SYNGR1: variants seen among roughly 807,000 people sequenced by gnomAD.
The protein encoded by SYNGR1 is synaptogyrin-1.
SYNGR1 carries 14 observed loss-of-function variants against 26.1 expected under a neutral mutation model. The ratio of observed to expected loss-of-function variants is 0.54; its 90% CI spans 0.35 to 0.84. The LOEUF (loss-of-function observed/expected upper bound fraction) is 0.84. Among genes scored for constraint, SYNGR1 ranks in the 40% least tolerant of loss-of-function variants. The probability of loss-of-function intolerance (pLI) is 0.01; values close to 1 mark genes in which losing one functional copy is unlikely to be tolerated. For synonymous variants in SYNGR1, 141 were observed against 150.1 expected, an observed-to-expected ratio of 0.94 and a Z score of 0.44; for missense variants, 319 against 332.9, an observed-to-expected ratio of 0.96 and a Z score of 0.33.
At chr22:39,358,208 T>TC (rs1924266132) in intron 1 of SYNGR1, among the ~76,000 whole-genome samples, 2 of 152,216 alleles carry the variant, frequency 1.3e-5, no homozygotes, top group Admixed American at 6.5e-5. Context: ...TTGGAGAACC[T>TC]GTGTGTCCAA....
In SYNGR1 at chr22:39,357,856, G is replaced by A. The variant is rs887588711; in HGVS notation, c.99+7747G>A. Among the ~76,000 whole-genome samples, 28 of 152,362 alleles carry A rather than the reference G, an allele frequency of 1.8e-4. 1 individual carries two copies. The highest frequency in any genetic ancestry group is 6.7e-4 in the African/African-American group (28 of 41,584). ...TCCCTCGGGGCAGGGCTCGGGACCT[G>A]CAGCCCGCCATGCCTAAGCCTCCCA... On this transcript the variant is annotated intron_variant, in intron 1 of 3. Coordinates refer to ENST00000328933, the MANE Select transcript of SYNGR1 (RefSeq NM_004711.5).
intron 1 of SYNGR1, among the ~76,000 whole-genome samples, chr22:39,361,872 G>A (rs1403203793): frequency 6.6e-6 from 1 of 152,138 alleles, no homozygotes; most frequent in Non-Finnish European, 1.5e-5. Context: ...TGAAAGGGCA[G>A]AGGTGATAAG....
At position 39,374,298 on chromosome 22, in the gene SYNGR1, T is replaced by C. The variant is rs1314572283; in HGVS notation, c.100-18T>C. On this transcript the variant is annotated intron_variant, in intron 1 of 3. Transcript: ENST00000328933. ...CAGGGGTCTGCCCAGGTCTAAGGTGTGGCCCCACCCCCGACAGCTGTTCTC... is the reference window on the plus strand; with the variant it reads ...CAGGGGTCTGCCCAGGTCTAAGGTGCGGCCCCACCCCCGACAGCTGTTCTC... The C allele has an allele frequency of 6.2e-7, 1 of 1,612,718 alleles. No individual in the cohort carries two copies. Among genetic ancestry groups the C allele is most frequent in the Non-Finnish European group, 8.5e-7 (1 of 1,179,226 alleles).
At chr22:39,374,239 G>A in intron 1 of SYNGR1, 77 bp from the exon 2 acceptor site, 1 of 1,399,516 alleles carries the variant, frequency 7.1e-7, no homozygotes, top group Non-Finnish European at 1.0e-6. Flanking sequence ...GCAGGCGAGG[G>A]TGGCAGCCTC....
intron 1 of SYNGR1, among the ~76,000 whole-genome samples, chr22:39,354,255 C>T (rs1924047153): frequency 6.6e-6 from 1 of 152,204 alleles, no homozygotes; most frequent in African/African-American, 2.4e-5. Context: ...GGGCTTTGGC[C>T]ATAATACCAC....
chr22:39,374,385 G>A lies in SYNGR1; in HGVS notation c.169G>A (p.Glu57Lys), dbSNP rs1925170827. Residue 57 changes from glutamate (E) to lysine (K), a missense_variant, in exon 2 of 4, where the codon GAG becomes AAG. Transcript: ENST00000328933. The part of the protein sequence containing the change: ...GYLNSASEGE[E>K]FCIYNRNPNA... ...CCTCAACAGCGCCTCCGAGGGGGAG[G>A]AGTTCTGCATCTACAACCGCAACCC... 3 of 1,614,066 alleles carry A rather than the reference G, an allele frequency of 1.9e-6. No individual in the cohort carries two copies. Among genetic ancestry groups the A allele is most frequent in the East Asian group, 2.2e-5 (1 of 44,874 alleles).
At position 39,350,816 on chromosome 22, in the gene SYNGR1, C is replaced by T. The variant is rs57223197; in HGVS notation, c.99+707C>T. Among the ~76,000 whole-genome samples, 22,904 of 152,098 alleles carry T rather than the reference C, an allele frequency of 0.15. 3,289 individuals carry two copies. The highest frequency in any genetic ancestry group is 0.37 in the African/African-American group (15,456 of 41,436). On this transcript the variant is annotated intron_variant, in intron 1 of 3. Coordinates refer to ENST00000328933, the MANE Select transcript of SYNGR1 (RefSeq NM_004711.5). The surrounding 1 kb of genome is among the most constrained non-coding windows in gnomAD (Gnocchi z 4.3). Reference sequence around the variant, plus strand: ...AGGTGGGCGGAGCCTTCTTGAGGCCCCCTTGGGCTCTGACATTTCATGAAC... The same window carrying T: ...AGGTGGGCGGAGCCTTCTTGAGGCCTCCTTGGGCTCTGACATTTCATGAAC...
chr22:39,360,069 C>T (rs1230832613), intron 1 of SYNGR1, among the ~76,000 whole-genome samples: 12 of 152,286 alleles, frequency 7.9e-5, no homozygotes, highest in African/African-American at 2.9e-4. Context: ...TCACACTCGC[C>T]TGGCACAGCT....
chr22:39,372,438 C>CTTTTTTTTTT lies in SYNGR1; in HGVS notation c.100-1857_100-1848dup. Among the ~76,000 whole-genome samples the CTTTTTTTTTT allele has an allele frequency of 2.7e-4, 15 of 54,652 alleles. 1 individual carries two copies. The highest frequency in any genetic ancestry group is 1.4e-3 in the African/African-American group (15 of 10,646). The allele number at this position is 54,652 out of a possible 152,430, so 35.9% of individuals were successfully genotyped here. A position where few individuals can be genotyped will look rare whatever the true frequency, so the allele number is the denominator to read the frequency against. On this transcript the variant is annotated intron_variant, in intron 1 of 3. Coordinates refer to ENST00000328933, the MANE Select transcript of SYNGR1 (RefSeq NM_004711.5). ...GAGCCACCATGCACCACGCCCAGCTCTTTTTTTTTTTTTTTTTTTTTTTTT... is the reference window on the plus strand; with the variant it reads ...GAGCCACCATGCACCACGCCCAGCTCTTTTTTTTTTTTTTTTTTTTTTTTTTTTTTTTTTT...
intron 1 of SYNGR1, among the ~76,000 whole-genome samples, chr22:39,351,897 C>T (rs1923923103): frequency 6.6e-6 from 1 of 152,152 alleles, no homozygotes; most frequent in Non-Finnish European, 1.5e-5. Flanking sequence ...CAGATTGGGC[C>T]TGGTGGGATG....
intron 1 of SYNGR1, among the ~76,000 whole-genome samples, chr22:39,351,477 T>C (rs572857841): frequency 1.2e-4 from 18 of 152,346 alleles, no homozygotes; most frequent in Middle Eastern, 3.4e-3. Flanking sequence ...ACATCTGTGT[T>C]TGTGGCTCTG....
intron 3 of SYNGR1, chr22:39,378,190 C>G (rs1435245335): frequency 6.3e-6 from 7 of 1,108,112 alleles, no homozygotes; most frequent in Non-Finnish European, 7.8e-6. Context: ...CACAGGGCTC[C>G]TGGTCTGGCT....
In SYNGR1 at chr22:39,356,222, T is replaced by A. The variant is rs1024237163; in HGVS notation, c.99+6113T>A. 3.0e-5 allele frequency among the ~76,000 whole-genome samples: 4 copies of A among 131,516 alleles called. No homozygotes were observed. In the East Asian group the frequency reaches 9.8e-4, roughly 32 times the overall value. 86.3% of individuals were successfully genotyped at this position (131,516 alleles called of 152,430 possible). On this transcript the variant is annotated intron_variant, in intron 1 of 3. Transcript: ENST00000328933. Reference sequence around the variant, plus strand: ...GATGTCCGCCACCACACCCGGCTAATTTTTATATTTTTAGTAGAGACAGGG... The same window carrying A: ...GATGTCCGCCACCACACCCGGCTAAATTTTATATTTTTAGTAGAGACAGGG...
At chr22:39,365,988 C>CTTTTTTTTTTTTTTTTTTTTTT (rs777416803) in intron 1 of SYNGR1, among the ~76,000 whole-genome samples, 4 of 68,382 alleles carry the variant, frequency 5.8e-5, no homozygotes, top group Admixed American at 2.3e-4. Context: ...TCAGCCCCTT[C>CTTTTTTTTTTTTTTTTTTTTTT]TTTTTTTTTT....
At chr22:39,379,954 C>T (rs559989483) in intron 3 of SYNGR1, 3 of 152,362 alleles carry the variant, frequency 2.0e-5, no homozygotes, top group Admixed American at 6.5e-5. Flanking sequence ...CAGGCAGATT[C>T]CCCGGGCCGG....
rs777416803 is a variant in SYNGR1 at position 39,365,988 on chromosome 22, C to CTTTTTTTTTTTTTTTTTTTTT, written c.100-8321_100-8301dup. Among the ~76,000 whole-genome samples the CTTTTTTTTTTTTTTTTTTTTT allele has an allele frequency of 1.3e-4, 9 of 68,382 alleles. 1 individual carries two copies. Among genetic ancestry groups the CTTTTTTTTTTTTTTTTTTTTT allele is most frequent in the East Asian group, 2.0e-3 (2 of 1,016 alleles). 44.9% of individuals were successfully genotyped at this position (68,382 alleles called of 152,430 possible). On this transcript the variant is annotated intron_variant, in intron 1 of 3. Coordinates refer to ENST00000328933, the MANE Select transcript of SYNGR1 (RefSeq NM_004711.5). ...CGTGAGCCACCGCGCTCAGCCCCTT[C>CTTTTTTTTTTTTTTTTTTTTT]TTTTTTTTTTTTTTTTTTTTTTTTT...
intron 1 of SYNGR1, among the ~76,000 whole-genome samples, chr22:39,354,593 A>C (rs1330609792): frequency 1.3e-5 from 2 of 152,184 alleles, no homozygotes; most frequent in African/African-American, 4.8e-5. Flanking sequence ...TAATCCCAGC[A>C]CTTTGGGAGG....
chr22:39,351,413 G>A (rs9611160), intron 1 of SYNGR1, among the ~76,000 whole-genome samples: 22,830 of 152,146 alleles, frequency 0.15, 3,239 homozygotes, highest in African/African-American at 0.37. Flanking sequence ...GGGCAGGAAA[G>A]CCCAGTTCCT....
At chr22:39,351,584 G>A (rs1042601252) in intron 1 of SYNGR1, among the ~76,000 whole-genome samples, 1 of 152,272 alleles carries the variant, frequency 6.6e-6, no homozygotes, top group Non-Finnish European at 1.5e-5. Flanking sequence ...GATCAGGCGG[G>A]TGGGCTGCGT....
Sources: gnomAD v4.1 joint callset for allele counts (sites outside exome capture counted in the v4.1 genomes callset) on GRCh38, gnomAD v4.1.1 for gene constraint, Gnocchi (gnomAD v3.1) non-coding constraint, MANE v1.5 for transcripts, NCBI Gene and HGNC (gene_info 2026-07-23, HGNC 2026-07-21) for gene names.